Variants in MAN2A1 observed in about 807,000 individuals in gnomAD.
MAN2A1 encodes the protein mannosidase alpha class 2A member 1.
A neutral mutation model predicts 142.6 loss-of-function variants in MAN2A1; 76 were observed. The observed-to-expected ratio is 0.53, with a 90% CI of 0.44 to 0.65. The LOEUF (loss-of-function observed/expected upper bound fraction) is 0.65, where lower values mean the gene tolerates loss of function less well. Ranked by LOEUF, MAN2A1 falls within the 30% of genes least tolerant of loss-of-function variation. MAN2A1 has a pLI of 0.00. For synonymous variants in MAN2A1, 559 were observed against 473.2 expected (o/e 1.18, Z -2.35); for missense variants, 1,311 against 1,365.1 (o/e 0.96, Z 0.62).
chr5:109,748,714 G>A (rs1314067977), intron 4 of MAN2A1, among the ~76,000 whole-genome samples: 1 of 152,002 alleles, frequency 6.6e-6, no homozygotes, highest in Non-Finnish European at 1.5e-5. Context: ...ATTCCAGGCA[G>A]ATAGACAGCA....
At chr5:109,849,415 C>T (rs1302521957) in intron 19 of MAN2A1, among the ~76,000 whole-genome samples, 1 of 152,154 alleles carries the variant, frequency 6.6e-6, no homozygotes, top group Non-Finnish European at 1.5e-5. Flanking sequence ...CTCTCCCAAA[C>T]CTGGCCCATT....
intron 9 of MAN2A1, 96 bp from the exon 10 acceptor site, chr5:109,784,648 T>C (rs1753549471): frequency 1.1e-6 from 1 of 931,290 alleles, no homozygotes; most frequent in East Asian, 2.7e-5. Flanking sequence ...ACTGCAATTA[T>C]GGATTAAAAA....
chr5:109,755,999 C>G (rs1345681886), intron 5 of MAN2A1, among the ~76,000 whole-genome samples: 1 of 151,874 alleles, frequency 6.6e-6, no homozygotes, highest in Non-Finnish European at 1.5e-5. Flanking sequence ...CAGGAATTCT[C>G]TTTAATACTT....
At chr5:109,847,910 A>C in intron 19 of MAN2A1, 120 bp downstream of exon 19, 2 of 641,286 alleles carry the variant, frequency 3.1e-6, no homozygotes, top group Non-Finnish European at 4.6e-6. Flanking sequence ...ATTTCTTTAT[A>C]GTAGATGTGG....
chr5:109,761,473 A>T (rs899155790), intron 5 of MAN2A1, among the ~76,000 whole-genome samples: 1 of 152,020 alleles, frequency 6.6e-6, no homozygotes, highest in African/African-American at 2.4e-5. Context: ...TCAATACTGT[A>T]TGGTTTTTCT....
At chr5:109,747,714 C>G (rs994628523) in intron 4 of MAN2A1, among the ~76,000 whole-genome samples, 2 of 152,082 alleles carry the variant, frequency 1.3e-5, no homozygotes, top group African/African-American at 4.8e-5. Context: ...TGTTTTAGAA[C>G]AAGCAAGTTG....
intron 16 of MAN2A1, among the ~76,000 whole-genome samples, chr5:109,839,933 T>C (rs1755157543): frequency 6.6e-6 from 1 of 151,712 alleles, no homozygotes; most frequent in African/African-American, 2.4e-5. Flanking sequence ...GCATTTACAT[T>C]CTTTTTTTTT....
intron 16 of MAN2A1, among the ~76,000 whole-genome samples, chr5:109,831,520 T>G (rs931954533): frequency 6.6e-6 from 1 of 152,234 alleles, no homozygotes; most frequent in Non-Finnish European, 1.5e-5. Flanking sequence ...TTAATTGACT[T>G]GAAGTTTTTC....
intron 12 of MAN2A1, among the ~76,000 whole-genome samples, chr5:109,815,655 A>T (rs1461761218): frequency 6.6e-6 from 1 of 151,576 alleles, no homozygotes; most frequent in Non-Finnish European, 1.5e-5. Context: ...CTTTTTCTTC[A>T]TTTTTCCTGT....
chr5:109,859,754 GC>G (rs1755710516), intron 20 of MAN2A1, among the ~76,000 whole-genome samples: 1 of 152,142 alleles, frequency 6.6e-6, no homozygotes, highest in African/African-American at 2.4e-5. Flanking sequence ...GATGAGTCAG[GC>G]TTCTGAAGCT....
intron 20 of MAN2A1, among the ~76,000 whole-genome samples, chr5:109,860,757 A>G (rs1157239941): frequency 6.6e-6 from 1 of 152,170 alleles, no homozygotes; most frequent in East Asian, 1.9e-4. Context: ...CTCAAATCCT[A>G]TTTGAAGTGG....
At chr5:109,783,871 A>G (rs1561510154) in intron 9 of MAN2A1, among the ~76,000 whole-genome samples, 1 of 149,166 alleles carries the variant, frequency 6.7e-6, no homozygotes, top group East Asian at 2.0e-4. Flanking sequence ...TACAAAGGAC[A>G]TTTTTTTTTT....
rs1752674895 is a variant in MAN2A1 at position 109,755,838 on chromosome 5, C to T, written c.835+382C>T. Among the ~76,000 whole-genome samples, 6 of 151,878 alleles carry T rather than the reference C, an allele frequency of 4.0e-5. No individual in the cohort carries two copies. The South Asian group carries it at 1.2e-3, about 31-fold the overall frequency. ...ACTGAGTGTTCCAGAGATACGGTAG[C>T]TTCAGGTATTGCTGTATCCAGGGAT... is the stretch of plus-strand genomic sequence containing the variant. On this transcript the variant is annotated intron_variant, in intron 5 of 21. Transcript: ENST00000261483.
chr5:109,802,865 A>T (rs760337354), intron 12 of MAN2A1, among the ~76,000 whole-genome samples: 7 of 152,008 alleles, frequency 4.6e-5, no homozygotes, highest in Non-Finnish European at 8.8e-5. Context: ...TTATCGTTCT[A>T]TTCTTGCATC....
At chr5:109,819,949 G>C in intron 14 of MAN2A1, 62 bp downstream of exon 14, 2 of 1,187,892 alleles carry the variant, frequency 1.7e-6, no homozygotes, top group South Asian at 3.0e-5. Context: ...AATGTGTGTA[G>C]ATTAATTAGG....
intron 4 of MAN2A1, among the ~76,000 whole-genome samples, chr5:109,735,302 C>G (rs1478549203): frequency 6.6e-6 from 1 of 152,138 alleles, no homozygotes; most frequent in Admixed American, 6.5e-5. Context: ...ATACAGCACA[C>G]TGATGGGTCT....
intron 1 of MAN2A1, among the ~76,000 whole-genome samples, chr5:109,694,885 G>C (rs1750770041): frequency 6.6e-6 from 1 of 152,082 alleles, no homozygotes; most frequent in African/African-American, 2.4e-5. Flanking sequence ...CCCCTTCCTT[G>C]AGTGCAGTCT....
At chr5:109,732,400 C>T (rs1471502382) in intron 4 of MAN2A1, among the ~76,000 whole-genome samples, 2 of 152,158 alleles carry the variant, frequency 1.3e-5, no homozygotes, top group African/African-American at 4.8e-5. Flanking sequence ...ACTTTTGTTT[C>T]CATTGCTTTT....
At chr5:109,690,703 C>A in intron 1 of MAN2A1, 151 bp downstream of exon 1, 1 of 895,464 alleles carries the variant, frequency 1.1e-6, no homozygotes, top group Non-Finnish European at 1.7e-6. Flanking sequence ...CGGCAATGAT[C>A]ACCTCCTGGG....
Sources: gnomAD v4.1 joint callset for allele counts (sites outside exome capture counted in the v4.1 genomes callset) on GRCh38, gnomAD v4.1.1 for gene constraint, MANE v1.5 for transcripts, NCBI Gene and HGNC (gene_info 2026-07-23, HGNC 2026-07-21) for gene names.